The following LMX1B variants were observed in gnomAD, a reference collection of about 807,000 sequenced individuals.
The protein encoded by LMX1B is LIM homeobox transcription factor 1-beta.
Under a neutral mutation model 51.4 loss-of-function variants are expected in LMX1B, and 12 were observed. That is an observed-to-expected ratio of 0.23 (90% CI 0.15 to 0.38). The LOEUF is 0.38. LMX1B is among the 10% of genes least tolerant of loss of function. The pLI, the probability that LMX1B is intolerant of heterozygous loss-of-function variation, is 1.00. For synonymous variants in LMX1B, 237 were observed against 235.4 expected, an observed-to-expected ratio of 1.01 and a Z score of -0.06; for missense variants, 445 against 571.1, an observed-to-expected ratio of 0.78 and a Z score of 2.25.
intron 2 of LMX1B, among the ~76,000 whole-genome samples, chr9:126,652,709 G>C (rs574003559): frequency 6.6e-6 from 1 of 152,204 alleles, no homozygotes; most frequent in African/African-American, 2.4e-5. Context: ...ACTGCTTGGC[G>C]TCCACATGAT....
intron 2 of LMX1B, among the ~76,000 whole-genome samples, chr9:126,678,415 A>T (rs1241054961): frequency 6.6e-6 from 1 of 152,054 alleles, no homozygotes; most frequent in Non-Finnish European, 1.5e-5. Flanking sequence ...GAGTGCCTGA[A>T]GGGCAAGAAG....
chr9:126,655,355 G>T (rs1002960907), intron 2 of LMX1B, among the ~76,000 whole-genome samples: 1 of 150,522 alleles, frequency 6.6e-6, no homozygotes, highest in Middle Eastern at 3.4e-3. Flanking sequence ...GCAGTGGCAG[G>T]TGCTGGAGGA....
At chr9:126,656,930 A>G (rs564882127) in intron 2 of LMX1B, among the ~76,000 whole-genome samples, 1 of 152,358 alleles carries the variant, frequency 6.6e-6, no homozygotes, top group Non-Finnish European at 1.5e-5. Context: ...AGCACTGAGT[A>G]GGGAAAGACA....
intron 2 of LMX1B, among the ~76,000 whole-genome samples, chr9:126,678,665 C>T (rs1836617759): frequency 6.6e-6 from 1 of 152,164 alleles, no homozygotes; most frequent in Admixed American, 6.5e-5. Flanking sequence ...ACAACGGTGA[C>T]ACGACCACAG....
At chr9:126,628,550 C>T (rs1318445983) in intron 2 of LMX1B, among the ~76,000 whole-genome samples, 1 of 152,170 alleles carries the variant, frequency 6.6e-6, no homozygotes, top group Non-Finnish European at 1.5e-5. Context: ...TGTCTTAGAG[C>T]GATGGAATCT....
chr9:126,678,095 G>C (rs1051462702), intron 2 of LMX1B, among the ~76,000 whole-genome samples: 5 of 152,164 alleles, frequency 3.3e-5, no homozygotes, highest in Admixed American at 3.3e-4. Context: ...TAGATCACTT[G>C]AGGTTGGGAG....
intron 2 of LMX1B, among the ~76,000 whole-genome samples, chr9:126,647,398 C>A (rs755365503): frequency 6.6e-6 from 1 of 152,184 alleles, no homozygotes; most frequent in Non-Finnish European, 1.5e-5. Flanking sequence ...TTGGGACACG[C>A]CGGGACCGTG....
At chr9:126,678,524 G>C (rs1272810770) in intron 2 of LMX1B, among the ~76,000 whole-genome samples, 1 of 152,134 alleles carries the variant, frequency 6.6e-6, no homozygotes, top group Non-Finnish European at 1.5e-5. Flanking sequence ...TTTACCCTGA[G>C]CATGTTTTTA....
chr9:126,676,840 G>C (rs1377484900), intron 2 of LMX1B, among the ~76,000 whole-genome samples: 1 of 152,228 alleles, frequency 6.6e-6, no homozygotes, highest in Non-Finnish European at 1.5e-5. Flanking sequence ...TGCTGCGGGC[G>C]AGGGGAAAGG....
chr9:126,670,496 G>A (rs894357232), intron 2 of LMX1B, among the ~76,000 whole-genome samples: 2 of 152,194 alleles, frequency 1.3e-5, no homozygotes, highest in Non-Finnish European at 2.9e-5. Flanking sequence ...GGCATGTGTG[G>A]GCATGTGTAA....
intron 2 of LMX1B, among the ~76,000 whole-genome samples, chr9:126,672,593 G>A (rs1836477965): frequency 6.6e-6 from 1 of 152,194 alleles, no homozygotes; most frequent in Non-Finnish European, 1.5e-5. Flanking sequence ...CCTGGAAGGG[G>A]GTTGTTAGGG....
rs369009118 is a variant in LMX1B, at chr9:126,615,606, G to A, written c.326+37G>A. On this transcript the variant is annotated intron_variant, in intron 2 of 7. Coordinates refer to ENST00000373474, the MANE Select transcript of LMX1B (RefSeq NM_001174147.2). The surrounding 1 kb of genome is among the most constrained non-coding windows in gnomAD (Gnocchi z 6.0). ...TCGTCCTCCTTCCCCGCCACCGCCCGGCACTCGAGCCCGGTCAGCCCCCTG... is the reference window on the plus strand; with the variant it reads ...TCGTCCTCCTTCCCCGCCACCGCCCAGCACTCGAGCCCGGTCAGCCCCCTG... 43 of 1,567,596 alleles carry A rather than the reference G, an allele frequency of 2.7e-5. 1 individual carries two copies. Among genetic ancestry groups the A allele is most frequent in the East Asian group, 4.8e-5 (2 of 42,054 alleles).
At chr9:126,648,693 C>T (rs1376277228) in intron 2 of LMX1B, among the ~76,000 whole-genome samples, 3 of 152,172 alleles carry the variant, frequency 2.0e-5, no homozygotes, top group Admixed American at 6.5e-5. Flanking sequence ...AGTGATGACT[C>T]TTCAGGTGAA....
At chr9:126,683,212 C>G (rs934408626) in intron 2 of LMX1B, among the ~76,000 whole-genome samples, 5 of 150,912 alleles carry the variant, frequency 3.3e-5, no homozygotes, top group African/African-American at 1.2e-4. Context: ...AGAGGCCCCG[C>G]GAGGCCCGCA....
chr9:126,687,066 A>G (rs2029922256), intron 2 of LMX1B, among the ~76,000 whole-genome samples: 1 of 152,138 alleles, frequency 6.6e-6, no homozygotes, highest in Admixed American at 6.5e-5. Context: ...TGGAGACTCT[A>G]GCAAGGGTGA....
chr9:126,693,300 G>A lies in LMX1B; in HGVS notation c.718G>A (p.Val240Ile), dbSNP rs1341595364. The change falls in exon 4 of 8, where the codon GTC becomes ATC. Residue 240 changes from valine to isoleucine, a missense_variant. This residue lies in a region of LMX1B where 273 missense variants were observed against 343.3 expected (regional missense o/e 0.80). Transcript: ENST00000373474. Reference sequence around the variant, plus strand: ...AAGAGCCTTCAAGGCCTCCTTCGAGGTCTCGTCGAAGCCTTGCCGAAAGGT... The same window carrying A: ...AAGAGCCTTCAAGGCCTCCTTCGAGATCTCGTCGAAGCCTTGCCGAAAGGT... Reference protein sequence around the residue: ...QRRAFKASFEVSSKPCRKVRE... With the variant: ...QRRAFKASFEISSKPCRKVRE... 1 of 1,606,520 alleles carries A rather than the reference G, an allele frequency of 6.2e-7. No homozygotes were observed.
intron 7 of LMX1B, 80 bp from the exon 8 acceptor site, chr9:126,696,214 C>A: frequency 7.1e-7 from 1 of 1,415,050 alleles, no homozygotes; most frequent in South Asian, 1.1e-5. Flanking sequence ...GGCCTCCAGT[C>A]ACACAGCCTA....
At chr9:126,663,760 C>T (rs1475411172) in intron 2 of LMX1B, among the ~76,000 whole-genome samples, 2 of 152,244 alleles carry the variant, frequency 1.3e-5, no homozygotes, top group Admixed American at 6.5e-5. Flanking sequence ...ACACACGGTA[C>T]TTGAGAATGC....
rs1440001885 is a variant in LMX1B, at chr9:126,646,152, C to T, written c.326+30583C>T. ...AATATTGGGCTAAACTCTGTTCCTC[C>T]TCTCAGAAAACCTGTTTTTGCTCTA... On this transcript the variant is annotated intron_variant, in intron 2 of 7. Transcript: ENST00000373474. Among the ~76,000 whole-genome samples the T allele has an allele frequency of 2.0e-5, 3 of 152,276 alleles. No homozygotes were observed. The East Asian group carries it at 5.8e-4, about 29-fold the overall frequency.
Sources: allele counts gnomAD v4.1 joint callset (sites outside exome capture counted in the v4.1 genomes callset), GRCh38; gene constraint gnomAD v4.1.1; regional missense constraint gnomAD v4.1.1; non-coding constraint Gnocchi (gnomAD v3.1); transcripts MANE v1.5; gene names NCBI Gene and HGNC (gene_info 2026-07-23, HGNC 2026-07-21).